The following ZNF672 variants were observed in gnomAD, a reference collection of about 807,000 sequenced individuals.
The protein encoded by ZNF672 is zinc finger protein 672, also known as hypothetical protein FLJ22301.
For missense variants in ZNF672, 733 were observed against 701.1 expected, an observed-to-expected ratio of 1.05 and a Z score of -0.51; for synonymous variants, 358 against 305.6, an observed-to-expected ratio of 1.17 and a Z score of -1.79.
chr1:248,848,443 T>C lies in ZNF672; in HGVS notation c.1169T>C (p.Leu390Pro). 1 of 1,607,866 alleles carries C rather than the reference T, an allele frequency of 6.2e-7. No individual in the cohort carries two copies. Among genetic ancestry groups the C allele is most frequent in the South Asian group, 1.1e-5 (1 of 90,956 alleles). Reference protein sequence around the residue: ...SKLALHRKTHLGERPAECAEC... With the variant: ...SKLALHRKTHPGERPAECAEC... ...CTTGCACTGCACCGCAAGACGCACC[T>C]GGGCGAACGGCCAGCGGAGTGCGCA... The change falls in exon 4 of 4, where the codon CTG (leucine) becomes CCG (proline). Residue 390 changes from leucine (L) to proline (P), a missense_variant. Leu to Pro is a moderately conservative substitution (Grantham distance 98). Transcript: ENST00000306562.
chr1:248,840,376 G>C (rs1288235231), intron 1 of ZNF672, among the ~76,000 whole-genome samples: 1 of 152,262 alleles, frequency 6.6e-6, no homozygotes, highest in Non-Finnish European at 1.5e-5. Flanking sequence ...ACAGGCGTGA[G>C]CCACCGTGCC....
At chr1:248,845,373 A>T (rs1032756317) in intron 2 of ZNF672, among the ~76,000 whole-genome samples, 193 bp from the exon 3 acceptor site, 12 of 152,162 alleles carry the variant, frequency 7.9e-5, no homozygotes, top group African/African-American at 2.9e-4. Flanking sequence ...CCCACCAAAA[A>T]AAAAAGTGGA....
At chr1:248,844,935 G>A (rs543985132) in intron 2 of ZNF672, among the ~76,000 whole-genome samples, 18 of 152,320 alleles carry the variant, frequency 1.2e-4, no homozygotes, top group African/African-American at 3.8e-4. Context: ...TGTCTGGGTC[G>A]AAAGTCCCTC....
In ZNF672 at chr1:248,847,405, G is replaced by A. The variant is rs780863235; in HGVS notation, c.131G>A (p.Cys44Tyr). Residue 44 changes from cysteine (C) to tyrosine (Y), a missense_variant, in exon 4 of 4, where the codon TGC becomes TAC. Transcript: ENST00000306562. ...RAHGGDGRFR[C>Y]LECGERCARA... ...CACGGCGGTGACGGCCGCTTCCGTT[G>A]CCTAGAATGCGGTGAGCGCTGTGCA... 5 of 1,597,922 alleles carry A rather than the reference G, an allele frequency of 3.1e-6. No individual in the cohort carries two copies. The highest frequency in any genetic ancestry group is 4.3e-6 in the Non-Finnish European group (5 of 1,172,022).
chr1:248,842,466 G>A (rs945814227), intron 1 of ZNF672, among the ~76,000 whole-genome samples: 2 of 152,106 alleles, frequency 1.3e-5, no homozygotes, highest in African/African-American at 4.8e-5. Flanking sequence ...CCACGCTGAA[G>A]CCCAGAGTGG....
At chr1:248,841,711 C>T (rs1664681929) in intron 1 of ZNF672, among the ~76,000 whole-genome samples, 1 of 152,120 alleles carries the variant, frequency 6.6e-6, no homozygotes, top group African/African-American at 2.4e-5. Flanking sequence ...CAACTGAGGC[C>T]AGGAGTTCAA....
chr1:248,847,579 G>A lies in ZNF672; in HGVS notation c.305G>A (p.Arg102His), dbSNP rs1423898301. 3.2e-6 allele frequency: 5 copies of A among 1,566,820 alleles called. No homozygotes were observed. Among genetic ancestry groups the A allele is most frequent in the East Asian group, 2.4e-5 (1 of 42,160 alleles). Residue 102 changes from arginine to histidine, a missense_variant, in exon 4 of 4, where the codon CGC (arginine) becomes CAC (histidine). Physicochemically the swap from Arg to His is conservative, Grantham distance 29. Coordinates refer to ENST00000306562, the MANE Select transcript of ZNF672 (RefSeq NM_024836.3). ...CAGCGATGCCGCACTTGCCCCTGCC[G>A]CACATGCGGCCGGCGCTTCCCGCAC... ...HRQRCRTCPC[R>H]TCGRRFPHLP...
At chr1:248,841,313 A>T (rs1292205945) in intron 1 of ZNF672, among the ~76,000 whole-genome samples, 2 of 152,326 alleles carry the variant, frequency 1.3e-5, no homozygotes, top group African/African-American at 4.8e-5. Flanking sequence ...AAGGTGTGAA[A>T]GACCTTATAG....
In ZNF672 at chr1:248,838,240, C is replaced by G. The variant is rs930682788; in HGVS notation, c.-786C>G. 6.6e-6 allele frequency: 1 copy of G among 152,338 alleles called. No individual in the cohort carries two copies. The allele number at this position is 152,338 out of a possible 1,614,324, so 9.4% of individuals were successfully genotyped here. ...TTCTCTTTTAGCCCCGCCTGCTTCC[C>G]GGCTCCAGCTGGGGCCGGAGAGGCT... On this transcript the variant is annotated 5_prime_UTR_variant, in exon 1 of 4. Transcript: ENST00000306562.
chr1:248,848,774 G>A lies in ZNF672; in HGVS notation c.*141G>A. On this transcript the variant is annotated 3_prime_UTR_variant, in exon 4 of 4. Transcript: ENST00000306562. ...CCTACCTTTCCAGTTTCTGTTGGCA[G>A]CCCTTCACGTAGCCTCCTGCCTCGC... 2 of 1,269,144 alleles carry A rather than the reference G, an allele frequency of 1.6e-6. No individual in the cohort carries two copies. The highest frequency in any genetic ancestry group is 4.7e-5 in the Admixed American group (2 of 42,186). The allele number at this position is 1,269,144 out of a possible 1,614,324, so 78.6% of individuals were successfully genotyped here.
At chr1:248,841,673 G>C (rs1279690576) in intron 1 of ZNF672, among the ~76,000 whole-genome samples, 2 of 152,246 alleles carry the variant, frequency 1.3e-5, no homozygotes. Context: ...TGTAATGCCA[G>C]CACTTTGGGA....
chr1:248,849,242 G>A lies in ZNF672; in HGVS notation c.*609G>A, dbSNP rs965375772. ...CACCCTGGCAGAGGTGGCCAGTCAC[G>A]TGAAGGTGGGCAGGGCCCTTAGCAT... On this transcript the variant is annotated 3_prime_UTR_variant, in exon 4 of 4. Transcript: ENST00000306562. 1.8e-5 allele frequency: 7 copies of A among 396,108 alleles called. No homozygotes were observed. The highest frequency in any genetic ancestry group is 7.1e-5 in the East Asian group (1 of 14,016). The allele number at this position is 396,108 out of a possible 1,614,324, so 24.5% of individuals were successfully genotyped here.
rs183790780 is a variant in ZNF672, at chr1:248,844,134, A to C, written c.-474-349A>C. 9.8e-5 allele frequency among the ~76,000 whole-genome samples: 15 copies of C among 152,356 alleles called. No individual in the cohort carries two copies. In the East Asian group the frequency reaches 2.9e-3, roughly 29 times the overall value. On this transcript the variant is annotated intron_variant, in intron 1 of 3. Coordinates refer to ENST00000306562, the MANE Select transcript of ZNF672 (RefSeq NM_024836.3). ...AATTATTATTAAGGAAAAAAATGAC[A>C]TATGAAACTCAGAAGTTTATCTTGC...
intron 1 of ZNF672, among the ~76,000 whole-genome samples, chr1:248,842,545 G>A (rs1019695287): frequency 1.3e-5 from 2 of 152,022 alleles, no homozygotes; most frequent in African/African-American, 4.8e-5. Flanking sequence ...AGGCAGGGGT[G>A]GCCTCTCTGA....
At chr1:248,845,036 G>T (rs1007725631) in intron 2 of ZNF672, among the ~76,000 whole-genome samples, 1 of 152,330 alleles carries the variant, frequency 6.6e-6, no homozygotes, top group South Asian at 2.1e-4. Flanking sequence ...GCCAAAGCGG[G>T]TGGATCACCT....
Position 248,847,738 on chromosome 1 carries a change from C to G in ZNF672, c.464C>G (p.Thr155Ser). Residue 155 changes from threonine to serine, a missense_variant, in exon 4 of 4, where the codon ACC becomes AGC. Thr to Ser is a moderately conservative substitution (Grantham distance 58). Coordinates refer to ENST00000306562, the MANE Select transcript of ZNF672 (RefSeq NM_024836.3). ...GCGCGGGCGCACCCCTTGGGGACAACCTCTGACCCTGCTGCCCCACCCCAC... is the reference window on the plus strand; with the variant it reads ...GCGCGGGCGCACCCCTTGGGGACAAGCTCTGACCCTGCTGCCCCACCCCAC... ...HQARAHPLGT[T>S]SDPAAPPHRC... 2.7e-6 allele frequency: 4 copies of G among 1,478,288 alleles called. No homozygotes were observed. Among genetic ancestry groups the G allele is most frequent in the Non-Finnish European group, 3.6e-6 (4 of 1,116,652 alleles). The allele number at this position is 1,478,288 out of a possible 1,614,324, so 91.6% of individuals were successfully genotyped here.
intron 2 of ZNF672, 29 bp from the exon 3 acceptor site, chr1:248,845,537 C>T (rs949500922): frequency 6.6e-6 from 1 of 152,116 alleles, no homozygotes; most frequent in Non-Finnish European, 1.5e-5. Context: ...TTCACATTTT[C>T]CCTTTTACTT....
chr1:248,845,145 C>A (rs1307289811), intron 2 of ZNF672, among the ~76,000 whole-genome samples: 2 of 152,156 alleles, frequency 1.3e-5, no homozygotes, highest in Admixed American at 6.5e-5. Flanking sequence ...TGCCTATAAT[C>A]CCAGTACTCA....
chr1:248,839,939 G>C (rs1664643144), intron 1 of ZNF672, among the ~76,000 whole-genome samples: 1 of 151,762 alleles, frequency 6.6e-6, no homozygotes, highest in Admixed American at 6.6e-5. Flanking sequence ...GGGTTTCACT[G>C]TGTTGGCCAG....
Sources: allele counts gnomAD v4.1 joint callset (sites outside exome capture counted in the v4.1 genomes callset), GRCh38; gene constraint gnomAD v4.1.1; transcripts MANE v1.5; gene names NCBI Gene and HGNC (gene_info 2026-07-23, HGNC 2026-07-21).